TWIST2: variants seen among roughly 807,000 people sequenced by gnomAD.
TWIST2 encodes twist-related protein 2.
A neutral mutation model predicts 11.6 loss-of-function variants in TWIST2; 1 was observed. The observed-to-expected ratio is 0.09, with a 90% CI of 0.03 to 0.41. The LOEUF is 0.41. Ranked by LOEUF, TWIST2 falls within the 10% of genes least tolerant of loss-of-function variation. The probability of loss-of-function intolerance (pLI) is 0.98; values close to 1 mark genes in which losing one functional copy is unlikely to be tolerated. For missense variants in TWIST2, 168 were observed against 226.4 expected, an observed-to-expected ratio of 0.74 and a Z score of 1.66; for synonymous variants, 87 against 96.6, an observed-to-expected ratio of 0.90 and a Z score of 0.58.
intron 1 of TWIST2, among the ~76,000 whole-genome samples, chr2:238,870,396 C>T (rs1314706884): frequency 4.1e-5 from 6 of 145,764 alleles, no homozygotes; most frequent in Non-Finnish European, 9.2e-5. Flanking sequence ...ACACACCCCA[C>T]ACACACATCA....
chr2:238,861,579 C>T (rs1350235842), intron 1 of TWIST2, among the ~76,000 whole-genome samples: 2 of 152,164 alleles, frequency 1.3e-5, no homozygotes, highest in Non-Finnish European at 2.9e-5. Flanking sequence ...CTCCTCCTCC[C>T]TATCTCTATC....
At chr2:238,893,483 CA>C (rs1168644236) in intron 1 of TWIST2, among the ~76,000 whole-genome samples, 11 of 152,164 alleles carry the variant, frequency 7.2e-5, no homozygotes, top group African/African-American at 2.7e-4. Context: ...CCGCCCTCCC[CA>C]GAAGCACAGC....
At chr2:238,886,844 G>T (rs915859715) in intron 1 of TWIST2, 6 of 152,174 alleles carry the variant, frequency 3.9e-5, no homozygotes, top group African/African-American at 7.2e-5. Context: ...AGAGGAAGAG[G>T]GGGCAGTGTT....
At chr2:238,876,954 C>T (rs1202379831) in intron 1 of TWIST2, among the ~76,000 whole-genome samples, 1 of 152,194 alleles carries the variant, frequency 6.6e-6, no homozygotes, top group Non-Finnish European at 1.5e-5. Context: ...TAAAGAGATT[C>T]TTCCTTACCT....
intron 1 of TWIST2, among the ~76,000 whole-genome samples, chr2:238,908,651 A>C (rs990273076): frequency 6.6e-6 from 1 of 152,018 alleles, no homozygotes; most frequent in African/African-American, 2.4e-5. Context: ...GTCTGTGTGG[A>C]TATGTATGTG....
intron 1 of TWIST2, among the ~76,000 whole-genome samples, chr2:238,874,975 C>A (rs1040666341): frequency 3.3e-5 from 5 of 152,036 alleles, no homozygotes; most frequent in Non-Finnish European, 5.9e-5. Context: ...ATATAGAGTG[C>A]ACAAAGGAAC....
chr2:238,905,894 CGCGTGTGT>C (rs1262101568), intron 1 of TWIST2, among the ~76,000 whole-genome samples: 10 of 118,462 alleles, frequency 8.4e-5, no homozygotes, highest in Non-Finnish European at 1.3e-4. Context: ...TGCGCGCATG[CGCGTGTGT>C]GCGTGTGTGT....
At chr2:238,902,333 GTGTGTGGTGTTGGGTT>G (rs1391417542) in intron 1 of TWIST2, among the ~76,000 whole-genome samples, 2 of 150,806 alleles carry the variant, frequency 1.3e-5, no homozygotes, top group African/African-American at 2.4e-5. Flanking sequence ...TGGTGTGGGG[GTGTGTGGTGTTGGGTT>G]TGTGTGAATC....
chr2:238,850,974 T>G (rs1280984220), intron 1 of TWIST2, among the ~76,000 whole-genome samples: 1 of 152,240 alleles, frequency 6.6e-6, no homozygotes, highest in African/African-American at 2.4e-5. Context: ...CTTTTTGTCT[T>G]TAACTCATTA....
At position 238,848,588 on chromosome 2, in the gene TWIST2, G is replaced by C. The variant is rs1284213164; in HGVS notation, c.373G>C (p.Glu125Gln). The C allele has an allele frequency of 6.4e-7, 1 of 1,571,244 alleles. No individual in the cohort carries two copies. Among genetic ancestry groups the C allele is most frequent in the South Asian group, 1.2e-5 (1 of 85,872 alleles). ...CCTCTACCAGGTCCTGCAGAGCGAC[G>C]AGATGGACAATAAGATGACCAGCTG... is the stretch of plus-strand genomic sequence containing the variant. ...DFLYQVLQSD[E>Q]MDNKMTSCSY... Residue 125 changes from glutamate (E) to glutamine (Q), a missense_variant, in exon 1 of 2, where the codon GAG becomes CAG. Glu to Gln is a conservative substitution (Grantham distance 29, BLOSUM62 2). Around this residue, in one of 3 missense-constraint regions of TWIST2, gnomAD observed 62 missense variants for 75.3 expected, o/e 0.82. Coordinates refer to ENST00000612363, the MANE Select transcript of TWIST2 (RefSeq NM_001271893.4).
At chr2:238,905,574 T>C (rs1693329915) in intron 1 of TWIST2, among the ~76,000 whole-genome samples, 1 of 152,138 alleles carries the variant, frequency 6.6e-6, no homozygotes, top group Non-Finnish European at 1.5e-5. Context: ...AACCCACCAC[T>C]GGCCAGGGAA....
chr2:238,895,192 G>A (rs1693192974), intron 1 of TWIST2, among the ~76,000 whole-genome samples: 2 of 152,354 alleles, frequency 1.3e-5, no homozygotes, highest in South Asian at 2.1e-4. Flanking sequence ...TAAAGTTCAC[G>A]CCCCTGGCTT....
intron 1 of TWIST2, among the ~76,000 whole-genome samples, chr2:238,896,102 C>T (rs967507169): frequency 6.6e-6 from 1 of 152,152 alleles, no homozygotes; most frequent in Non-Finnish European, 1.5e-5. Flanking sequence ...TCCTCCTTCT[C>T]AGGCGCAGCA....
chr2:238,903,346 AGT>A (rs1198750211), intron 1 of TWIST2, among the ~76,000 whole-genome samples: 3 of 126,224 alleles, frequency 2.4e-5, no homozygotes, highest in Admixed American at 8.1e-5. Context: ...TGTTTGAGGT[AGT>A]GTGTGTGTAA....
intron 1 of TWIST2, among the ~76,000 whole-genome samples, chr2:238,899,246 TC>T (rs1247497782): frequency 6.6e-6 from 1 of 152,256 alleles, no homozygotes; most frequent in African/African-American, 2.4e-5. Flanking sequence ...AGTCCCTCTT[TC>T]AACAAATATT....
chr2:238,856,283 C>G (rs1192314579), intron 1 of TWIST2, among the ~76,000 whole-genome samples: 1 of 152,176 alleles, frequency 6.6e-6, no homozygotes, highest in Non-Finnish European at 1.5e-5. Context: ...AATTCCAAAA[C>G]TTTCTTTCAG....
chr2:238,898,738 G>A (rs1415246676), intron 1 of TWIST2, among the ~76,000 whole-genome samples: 2 of 152,220 alleles, frequency 1.3e-5, no homozygotes, highest in Admixed American at 6.5e-5. Context: ...TCGTGCTAAG[G>A]GCTTTGAGGC....
At chr2:238,908,711 C>T (rs980600595) in intron 1 of TWIST2, among the ~76,000 whole-genome samples, 23 of 108,790 alleles carry the variant, frequency 2.1e-4, no homozygotes, top group African/African-American at 1.0e-3. Context: ...TGTGTTTGTG[C>T]TGTGCAGTGT....
At chr2:238,880,129 A>G (rs1445095899) in intron 1 of TWIST2, among the ~76,000 whole-genome samples, 2 of 144,216 alleles carry the variant, frequency 1.4e-5, no homozygotes, top group South Asian at 2.2e-4. Flanking sequence ...TAGCGTTAGT[A>G]TTAGTGTGTT....
Sources: allele counts gnomAD v4.1 joint callset (sites outside exome capture counted in the v4.1 genomes callset), GRCh38; gene constraint gnomAD v4.1.1; regional missense constraint gnomAD v4.1.1; transcripts MANE v1.5; gene names NCBI Gene and HGNC (gene_info 2026-07-23, HGNC 2026-07-21).